Variants in TAFA2 observed in about 807,000 individuals in gnomAD.
TAFA2 encodes the protein chemokine-like protein TAFA-2.
In TAFA2, 7 loss-of-function variants were observed where a neutral mutation model predicts 18.8. That is an observed-to-expected ratio of 0.37 (90% CI 0.21 to 0.70). The LOEUF is 0.70. TAFA2 is among the 30% of genes least tolerant of loss of function. The pLI is 0.53. For missense variants in TAFA2, 122 were observed against 158.1 expected (o/e 0.77, Z 1.23); for synonymous variants, 60 against 54.2 (o/e 1.11, Z -0.47).
chr12:61,927,997 T>C (rs1877381080), intron 1 of TAFA2, among the ~76,000 whole-genome samples: 2 of 152,160 alleles, frequency 1.3e-5, no homozygotes, highest in Admixed American at 1.3e-4. Context: ...TTATACCTTA[T>C]ACAAAAATTA....
At chr12:62,079,621 G>T (rs1037867972) in intron 1 of TAFA2, among the ~76,000 whole-genome samples, 27 of 151,122 alleles carry the variant, frequency 1.8e-4, no homozygotes, top group African/African-American at 6.1e-4. Flanking sequence ...CCGAGATCGT[G>T]CCACTACACT....
intron 2 of TAFA2, among the ~76,000 whole-genome samples, chr12:61,759,356 G>C (rs999836927): frequency 1.3e-4 from 20 of 152,054 alleles, no homozygotes; most frequent in Admixed American, 8.5e-4. Flanking sequence ...GAAAGTTAAA[G>C]TAATATGGGC....
intron 1 of TAFA2, among the ~76,000 whole-genome samples, chr12:62,100,568 A>T (rs11174316): frequency 0.18 from 27,314 of 152,118 alleles, 2,736 homozygotes; most frequent in East Asian, 0.39. Context: ...AGATCACTTG[A>T]AAATCTTGTT....
chr12:61,754,413 T>A (rs913922023), intron 3 of TAFA2, among the ~76,000 whole-genome samples: 14 of 151,934 alleles, frequency 9.2e-5, no homozygotes, highest in Non-Finnish European at 1.9e-4. Context: ...TATTGCATCA[T>A]CATAAAAGTT....
chr12:62,235,119 A>C, intron 1 of TAFA2: 1 of 639,368 alleles, frequency 1.6e-6, no homozygotes, highest in East Asian at 3.4e-5. Flanking sequence ...TCCTACAGGC[A>C]TTATCTGGGG....
At chr12:61,865,784 C>G (rs1592445251) in intron 2 of TAFA2, among the ~76,000 whole-genome samples, 1 of 152,180 alleles carries the variant, frequency 6.6e-6, no homozygotes, top group East Asian at 1.9e-4. Flanking sequence ...TTATCATGAA[C>G]ACTTGCTGTG....
At chr12:61,908,148 T>G (rs1435880135) in intron 1 of TAFA2, among the ~76,000 whole-genome samples, 2 of 152,016 alleles carry the variant, frequency 1.3e-5, no homozygotes, top group African/African-American at 4.8e-5. Flanking sequence ...TTTTGAAATG[T>G]GAGGAAATTA....
intron 1 of TAFA2, among the ~76,000 whole-genome samples, chr12:61,888,101 G>C (rs1208441405): frequency 6.6e-6 from 1 of 151,984 alleles, no homozygotes; most frequent in Non-Finnish European, 1.5e-5. Context: ...AGAGGATGTG[G>C]AGAAACAGGA....
intron 4 of TAFA2, among the ~76,000 whole-genome samples, chr12:61,714,996 G>A (rs1479659108): frequency 6.6e-6 from 1 of 152,164 alleles, no homozygotes; most frequent in Non-Finnish European, 1.5e-5. Flanking sequence ...TAAACTAGCT[G>A]ACCCTTGGCC....
intron 1 of TAFA2, among the ~76,000 whole-genome samples, chr12:62,231,777 A>G (rs2062813123): frequency 6.6e-6 from 1 of 152,230 alleles, no homozygotes; most frequent in Non-Finnish European, 1.5e-5. Context: ...AAAAACAATA[A>G]ATAGCTAAGG....
intron 1 of TAFA2, among the ~76,000 whole-genome samples, chr12:62,026,395 G>A (rs573273541): frequency 3.2e-4 from 49 of 152,138 alleles, no homozygotes; most frequent in African/African-American, 1.2e-3. Context: ...AACCCATGAT[G>A]GATTTGCTTT....
At chr12:61,736,337 GTTTTC>G (rs1868303892) in intron 4 of TAFA2, among the ~76,000 whole-genome samples, 1 of 151,922 alleles carries the variant, frequency 6.6e-6, no homozygotes, top group Non-Finnish European at 1.5e-5. Flanking sequence ...AAGTTCTTCA[GTTTTC>G]TTTTATGGGA....
At chr12:62,030,066 G>A (rs1881416476) in intron 1 of TAFA2, among the ~76,000 whole-genome samples, 1 of 152,054 alleles carries the variant, frequency 6.6e-6, no homozygotes, top group Non-Finnish European at 1.5e-5. Context: ...AGTCACCCAA[G>A]TGTATTTTAG....
chr12:61,713,104 C>T (rs1869489285), intron 4 of TAFA2, among the ~76,000 whole-genome samples: 1 of 152,114 alleles, frequency 6.6e-6, no homozygotes, highest in Non-Finnish European at 1.5e-5. Context: ...ATTTTAAGTT[C>T]AGCCTAAAGG....
At chr12:62,123,968 T>A (rs558588446) in intron 1 of TAFA2, among the ~76,000 whole-genome samples, 30 of 152,256 alleles carry the variant, frequency 2.0e-4, no homozygotes, top group Admixed American at 1.5e-3. Context: ...TTCTCCTGTT[T>A]AAACTCGAAT....
intron 1 of TAFA2, among the ~76,000 whole-genome samples, chr12:62,099,039 G>T (rs951525988): frequency 8.6e-5 from 13 of 152,020 alleles, no homozygotes; most frequent in Non-Finnish European, 1.8e-4. Flanking sequence ...AATGGAATTA[G>T]GTAGCTCACA....
At chr12:62,003,247 TCTCA>T (rs1281419255) in intron 1 of TAFA2, among the ~76,000 whole-genome samples, 1 of 152,136 alleles carries the variant, frequency 6.6e-6, no homozygotes, top group Admixed American at 6.5e-5. Context: ...GTGGCTTCCA[TCTCA>T]CTCAGAGAAA....
At chr12:61,837,194 T>C (rs1036229186) in intron 2 of TAFA2, among the ~76,000 whole-genome samples, 1 of 152,000 alleles carries the variant, frequency 6.6e-6, no homozygotes. Context: ...TGCAATGTAT[T>C]GATGGCAATA....
chr12:62,209,432 T>G (rs1403012394), intron 1 of TAFA2, among the ~76,000 whole-genome samples: 7 of 152,228 alleles, frequency 4.6e-5, no homozygotes, highest in Non-Finnish European at 8.8e-5. Flanking sequence ...AATGCTGAAC[T>G]GTGAGTCAAT....
Sources: gnomAD v4.1 joint callset for allele counts (sites outside exome capture counted in the v4.1 genomes callset) on GRCh38, gnomAD v4.1.1 for gene constraint, MANE v1.5 for transcripts, NCBI Gene and HGNC (gene_info 2026-07-23, HGNC 2026-07-21) for gene names.